The following CHAF1A variants were observed in gnomAD, a reference collection of about 807,000 sequenced individuals.
The protein encoded by CHAF1A is chromatin assembly factor 1 subunit A.
CHAF1A carries 5 observed loss-of-function variants against 93.2 expected under a neutral mutation model. The ratio of observed to expected loss-of-function variants is 0.05; its 90% confidence interval spans 0.03 to 0.11. CHAF1A has a LOEUF of 0.11. Ranked by LOEUF, CHAF1A falls within the 10% of genes least tolerant of loss-of-function variation. The pLI, the probability that CHAF1A is intolerant of heterozygous loss-of-function variation, is 1.00. For missense variants in CHAF1A, 1,102 were observed against 1,259.9 expected (o/e 0.87, Z 1.90); for synonymous variants, 504 against 510.3 (o/e 0.99, Z 0.17).
chr19:4,440,618 C>T (rs763612169), intron 13 of CHAF1A, among the ~76,000 whole-genome samples: 3 of 151,928 alleles, frequency 2.0e-5, no homozygotes, highest in East Asian at 1.9e-4. Flanking sequence ...ACATCAGGGA[C>T]GTGTTCTGAG....
chr19:4,430,502 A>T (rs746614312), intron 10 of CHAF1A, 47 bp from the exon 11 acceptor site: 2 of 1,326,318 alleles, frequency 1.5e-6, no homozygotes, highest in South Asian at 2.3e-5. Context: ...TAAGGCACAC[A>T]CTCTGCTTTT....
At chr19:4,446,159 C>T (rs775713602), downstream of CHAF1A, 44 of 1,609,758 alleles carry the variant, frequency 2.7e-5, no homozygotes, top group Non-Finnish European at 3.3e-5. Context: ...CGGACGAACC[C>T]GTACACCGCC....
intron 13 of CHAF1A, among the ~76,000 whole-genome samples, chr19:4,441,115 C>T (rs966362839): frequency 1.3e-5 from 2 of 151,710 alleles, no homozygotes; most frequent in East Asian, 1.9e-4. Context: ...GTCAAGAGTT[C>T]GAGACCAGCC....
At chr19:4,446,489 G>A (rs748889534), downstream of CHAF1A, 134 of 1,602,816 alleles carry the variant, frequency 8.4e-5, 1 homozygote, top group African/African-American at 2.0e-4. Context: ...CTCCGCGGAC[G>A]TCAGGCCCAC....
intron 4 of CHAF1A, among the ~76,000 whole-genome samples, chr19:4,418,754 C>G (rs1342089898): frequency 1.3e-5 from 2 of 152,094 alleles, no homozygotes; most frequent in Non-Finnish European, 2.9e-5. Flanking sequence ...GCTATAACAT[C>G]TGAATAGCCT....
intron 7 of CHAF1A, 130 bp from the exon 8 acceptor site, chr19:4,428,534 T>C (rs894185584): frequency 2.6e-6 from 2 of 760,244 alleles, no homozygotes; most frequent in Non-Finnish European, 4.3e-6. Context: ...ACCCACACAG[T>C]GCCTGGGCTT....
chr19:4,447,055 T>C, downstream of CHAF1A: 1 of 808,662 alleles, frequency 1.2e-6, no homozygotes. Flanking sequence ...GCCCTGGGGG[T>C]GCCTCAGTGC....
chr19:4,405,055 A>G (rs1973655103), intron 1 of CHAF1A, among the ~76,000 whole-genome samples: 1 of 152,140 alleles, frequency 6.6e-6, no homozygotes, highest in Admixed American at 6.6e-5. Context: ...GATCATGGGA[A>G]TGAAATAGGT....
downstream of CHAF1A, chr19:4,446,139 C>G (rs1037176391): frequency 6.2e-7 from 1 of 1,612,008 alleles, no homozygotes. Flanking sequence ...AGTCGCTCTG[C>G]AGGGCCTCCC....
At chr19:4,412,547 GA>G (rs959032977) in intron 3 of CHAF1A, among the ~76,000 whole-genome samples, 39 of 143,844 alleles carry the variant, frequency 2.7e-4, no homozygotes, top group East Asian at 1.2e-3. Context: ...TCCGTCTCAA[GA>G]AAAAAAAAAA....
In CHAF1A at chr19:4,403,800, A is replaced by G. The variant is rs553969421; in HGVS notation, c.52+986A>G. ...GGGATTTCCCGGAGACATAAAATTA[A>G]TATAAAGTTGGTACTGTCGTGGAGC... On this transcript the variant is annotated intron_variant, in intron 1 of 14. Transcript: ENST00000301280. Among the ~76,000 whole-genome samples, 19 of 152,378 alleles carry G rather than the reference A, an allele frequency of 1.2e-4. 1 individual carries two copies. In the South Asian group the frequency reaches 3.1e-3, roughly 25 times the overall value.
intron 2 of CHAF1A, 52 bp downstream of exon 2, chr19:4,406,014 T>C (rs1261946718): frequency 1.4e-6 from 2 of 1,453,452 alleles, no homozygotes; most frequent in Non-Finnish European, 1.9e-6. Flanking sequence ...TAGTCTTCCT[T>C]GTCTCTTGTT....
chr19:4,435,384 T>C (rs1225808383), intron 13 of CHAF1A, among the ~76,000 whole-genome samples: 2 of 151,984 alleles, frequency 1.3e-5, no homozygotes, highest in Admixed American at 1.3e-4. Flanking sequence ...GTCCTGGCCT[T>C]TTTTTGAGTC....
Position 4,418,743 on chromosome 19 carries a change from T to C in CHAF1A, c.1017+667T>C, listed in dbSNP as rs186946310. Among the ~76,000 whole-genome samples the C allele has an allele frequency of 1.8e-4, 28 of 152,240 alleles. No individual in the cohort carries two copies. In the East Asian group the frequency reaches 5.2e-3, roughly 28 times the overall value. ...CCTGTGTCTTTCACTTATTGCTAAG[T>C]GCTATAACATCTGAATAGCCTCTAC... On this transcript the variant is annotated intron_variant, in intron 4 of 14. Coordinates refer to ENST00000301280, the MANE Select transcript of CHAF1A (RefSeq NM_005483.3).
rs565731761 is a variant in CHAF1A at position 4,416,663 on chromosome 19, G to C, written c.961-1357G>C. Among the ~76,000 whole-genome samples, 3 of 152,276 alleles carry C rather than the reference G, an allele frequency of 2.0e-5. No individual in the cohort carries two copies. In the South Asian group the frequency reaches 6.2e-4, roughly 32 times the overall value. On this transcript the variant is annotated intron_variant, in intron 3 of 14. Transcript: ENST00000301280. ...CCTAGCACTTTGGGAGGCGAGGCGG[G>C]TGGATCACCTGAGGTCAGGAGTTCG... is the stretch of plus-strand genomic sequence containing the variant.
intron 13 of CHAF1A, among the ~76,000 whole-genome samples, chr19:4,434,209 G>T (rs537178385): frequency 5.9e-5 from 9 of 151,930 alleles, no homozygotes; most frequent in Admixed American, 2.0e-4. Flanking sequence ...TTAGCCAAGC[G>T]GTGGCATGCA....
intron 7 of CHAF1A, among the ~76,000 whole-genome samples, chr19:4,425,800 T>C (rs973350901): frequency 4.6e-5 from 7 of 152,116 alleles, no homozygotes; most frequent in African/African-American, 1.4e-4. Context: ...ATGGCCAGAG[T>C]GCGTGCCAGA....
At chr19:4,420,680 C>T (rs981243461) in intron 4 of CHAF1A, among the ~76,000 whole-genome samples, 1 of 152,140 alleles carries the variant, frequency 6.6e-6, no homozygotes, top group Non-Finnish European at 1.5e-5. Flanking sequence ...AGTGGCTCGC[C>T]CCCATAATCC....
rs375315515 is a variant in CHAF1A at position 4,433,407 on chromosome 19, G to A, written c.2541G>A (p.Ser847=). 5.0e-5 allele frequency: 81 copies of A among 1,612,592 alleles called. 2 individuals carry two copies. The South Asian group carries it at 7.5e-4, about 15-fold the overall frequency. The change falls in exon 13 of 15, where the codon TCG becomes TCA. Residue 847 remains serine, a synonymous_variant. Transcript: ENST00000301280. This position sits in a 1 kb window ranked among gnomAD's most constrained non-coding sequence, Gnocchi z 5.6. ...CQWSYVTSVP[S]APKEDSGSVP... ...GGAGCTATGTGACATCGGTGCCCTC[G>A]GCCCCCAAAGAGGACAGTGGCAGCG...
Sources: allele counts gnomAD v4.1 joint callset (sites outside exome capture counted in the v4.1 genomes callset), GRCh38; gene constraint gnomAD v4.1.1; non-coding constraint Gnocchi (gnomAD v3.1); transcripts MANE v1.5; gene names NCBI Gene and HGNC (gene_info 2026-07-23, HGNC 2026-07-21).